USP50: variants seen among roughly 807,000 people sequenced by gnomAD.
USP50 encodes ubiquitin carboxyl-terminal hydrolase 50.
In USP50, 37 loss-of-function variants were observed where a neutral mutation model predicts 39.2. The observed-to-expected ratio is 0.94, with a 90% CI of 0.73 to 1.24. The LOEUF (loss-of-function observed/expected upper bound fraction) is 1.24, where lower values mean the gene tolerates loss of function less well. Ranked by LOEUF, USP50 falls within the 50% of genes most tolerant of loss-of-function variation. The probability of loss-of-function intolerance (pLI) is 0.00; values close to 1 mark genes in which losing one functional copy is unlikely to be tolerated. For missense variants in USP50, 374 were observed against 398.2 expected (o/e 0.94, Z 0.52); for synonymous variants, 139 against 144.5 (o/e 0.96, Z 0.27).
intron 5 of USP50, among the ~76,000 whole-genome samples, chr15:50,530,946 T>G (rs2052935868): frequency 6.6e-6 from 1 of 150,554 alleles, no homozygotes; most frequent in Non-Finnish European, 1.5e-5. Context: ...TTTTTGTTTG[T>G]TTTTTTTTAA....
rs1431905637 is a variant in USP50 at position 50,530,542 on chromosome 15, C to T, written c.804-613G>A. Among the ~76,000 whole-genome samples, 8 of 151,982 alleles carry T rather than the reference C, an allele frequency of 5.3e-5. No individual in the cohort carries two copies. In the South Asian group the frequency reaches 1.5e-3, roughly 28 times the overall value. ...AAGGTTACAGTGAGCTGAGATCGCACCACTGCACTCCAGCCTGGGTGACAG... is the reference window on the plus strand; with the variant it reads ...AAGGTTACAGTGAGCTGAGATCGCATCACTGCACTCCAGCCTGGGTGACAG... On this transcript the variant is annotated intron_variant, in intron 5 of 6. Transcript: ENST00000532404.
downstream of USP50, chr15:50,493,198 C>T (rs1007687225): frequency 4.4e-5 from 23 of 518,906 alleles, 1 homozygote; most frequent in South Asian, 2.1e-4. Context: ...CCTGTTCACC[C>T]GGGAGGGGAG....
chr15:50,544,919 A>G (rs1328551367), intron 1 of USP50, 138 bp from the exon 2 acceptor site: 3 of 865,422 alleles, frequency 3.5e-6, no homozygotes, highest in Non-Finnish European at 5.1e-6. Flanking sequence ...TACCAAGGAC[A>G]GGAAGTATTG....
At chr15:50,534,002 A>C (rs573362362) in intron 5 of USP50, among the ~76,000 whole-genome samples, 1 of 152,354 alleles carries the variant, frequency 6.6e-6, no homozygotes, top group Middle Eastern at 3.4e-3. Context: ...TCCATCTCAA[A>C]AAAAAAGAAA....
chr15:50,519,481 G>A (rs2052830506), intron 6 of USP50, among the ~76,000 whole-genome samples: 1 of 152,096 alleles, frequency 6.6e-6, no homozygotes, highest in South Asian at 2.1e-4. Context: ...TTGGGAGGCC[G>A]AGGCGGGTGG....
At chr15:50,494,461 GTAT>G (rs887658261) in intron 1 of USP50, among the ~76,000 whole-genome samples, 1 of 152,120 alleles carries the variant, frequency 6.6e-6, no homozygotes, top group African/African-American at 2.4e-5. Context: ...TATACAGTTG[GTAT>G]TTACTAATTA....
chr15:50,515,305 G>A (rs1015227689), intron 6 of USP50, among the ~76,000 whole-genome samples: 4 of 152,048 alleles, frequency 2.6e-5, no homozygotes, highest in South Asian at 4.1e-4. Context: ...GCAGTGGCGC[G>A]ATCTCGGCTC....
chr15:50,540,825 T>G lies in USP50; in HGVS notation c.660+224A>C, dbSNP rs552797020. On this transcript the variant is annotated intron_variant, in intron 4 of 6. Coordinates refer to ENST00000532404, the MANE Select transcript of USP50 (RefSeq NM_203494.5). ...TTTTAGTAGAGACAGGGTTTCACCA[T>G]GTTGGCCAGGCTGGTCTTGAGCTCC... 3.9e-5 allele frequency among the ~76,000 whole-genome samples: 6 copies of G among 152,238 alleles called. No individual in the cohort carries two copies. In the East Asian group the frequency reaches 1.2e-3, roughly 29 times the overall value.
chr15:50,541,436 C>G (rs754140170), intron 3 of USP50, among the ~76,000 whole-genome samples, 172 bp from the exon 4 acceptor site: 1 of 151,914 alleles, frequency 6.6e-6, no homozygotes, highest in Non-Finnish European at 1.5e-5. Context: ...TCAGTTGAGC[C>G]TAGGAGTTTG....
In USP50 at chr15:50,541,134, A is replaced by T. The variant is rs775409364; in HGVS notation, c.575T>A (p.Leu192Ter). The change falls in exon 4 of 7, where the codon TTA (leucine) becomes TAA (stop). Residue 192 changes from leucine (L) to a stop codon, truncating the protein, a stop_gained. Coordinates refer to ENST00000532404, the MANE Select transcript of USP50 (RefSeq NM_203494.5). LOFTEE classifies it high-confidence loss of function. ...EEQLNYSIVC[L>*]KCEKCTYKNE... is the part of the protein sequence containing the mutation. ...CTTGTAGGTGCATTTCTCACACTTTAAACATACGATGCTATAATTGAGCTG... is the reference window on the plus strand; with the variant it reads ...CTTGTAGGTGCATTTCTCACACTTTTAACATACGATGCTATAATTGAGCTG... The T allele has an allele frequency of 4.8e-5, 77 of 1,613,864 alleles. No homozygotes were observed. Among genetic ancestry groups the T allele is most frequent in the Non-Finnish European group, 8.5e-6 (10 of 1,179,888 alleles).
At chr15:50,506,393 A>G (rs1024185123) in intron 6 of USP50, 1 of 152,166 alleles carries the variant, frequency 6.6e-6, no homozygotes, top group African/African-American at 2.4e-5. Context: ...CGTGCTCCTT[A>G]TGAGAATCTA....
At chr15:50,495,738 G>C, downstream of USP50, 1 of 839,768 alleles carries the variant, frequency 1.2e-6, no homozygotes, top group Admixed American at 2.9e-5. Flanking sequence ...TCCTTTATGA[G>C]AACTACAGGT....
downstream of USP50, chr15:50,497,562 G>A (rs2052465296): frequency 5.7e-6 from 1 of 175,962 alleles, no homozygotes; most frequent in Non-Finnish European, 1.2e-5. Context: ...GCAGACTAAA[G>A]CATAACAGAC....
rs1350891806 is a variant in USP50 at position 50,515,335 on chromosome 15, G to A, written c.936+14462C>T. Among the ~76,000 whole-genome samples the A allele has an allele frequency of 4.6e-5, 7 of 152,100 alleles. No individual in the cohort carries two copies. The East Asian group carries it at 1.2e-3, about 25-fold the overall frequency. On this transcript the variant is annotated intron_variant, in intron 6 of 6. Transcript: ENST00000532404. ...CGGCTCACTGCAACCTCTGCCTCCCGGGTTCACGCCATTCTCCTGCCTCAG... is the reference window on the plus strand; with the variant it reads ...CGGCTCACTGCAACCTCTGCCTCCCAGGTTCACGCCATTCTCCTGCCTCAG...
downstream of USP50, chr15:50,498,645 T>C: frequency 1.2e-6 from 2 of 1,612,994 alleles, no homozygotes; most frequent in Non-Finnish European, 1.7e-6. Context: ...ATCTGTGGAC[T>C]TCCCGTTAGA....
chr15:50,493,563 G>C (rs1311478972), downstream of USP50: 2 of 497,458 alleles, frequency 4.0e-6, no homozygotes, highest in African/African-American at 2.0e-5. Flanking sequence ...AGACCAGTCT[G>C]GGCAACAAGG....
At chr15:50,545,604 G>A (rs1172003721) in intron 1 of USP50, among the ~76,000 whole-genome samples, 3 of 150,702 alleles carry the variant, frequency 2.0e-5, no homozygotes, top group Non-Finnish European at 4.4e-5. Flanking sequence ...TATATTGAAG[G>A]CATAATATAT....
downstream of USP50, among the ~76,000 whole-genome samples, chr15:50,495,571 G>A (rs567238693): frequency 6.6e-6 from 1 of 151,910 alleles, no homozygotes; most frequent in Non-Finnish European, 1.5e-5. Context: ...CAGAATGCTG[G>A]GATTACAAGC....
At chr15:50,522,863 G>C (rs1989685) in intron 6 of USP50, among the ~76,000 whole-genome samples, 12,499 of 151,990 alleles carry the variant, frequency 0.082, 919 homozygotes, top group African/African-American at 0.19. Flanking sequence ...GTCCAGGCTG[G>C]TCTCGAACTC....
Sources: gnomAD v4.1 joint callset for allele counts (sites outside exome capture counted in the v4.1 genomes callset) on GRCh38, gnomAD v4.1.1 for gene constraint, MANE v1.5 for transcripts, NCBI Gene and HGNC (gene_info 2026-07-23, HGNC 2026-07-21) for gene names.